ALPK1: variants seen among roughly 807,000 people sequenced by gnomAD.
The protein encoded by ALPK1 is alpha-protein kinase 1.
In ALPK1, 110 loss-of-function variants were observed where a neutral mutation model predicts 120.6. The observed-to-expected ratio is 0.91, with a 90% CI of 0.78 to 1.07. The LOEUF (loss-of-function observed/expected upper bound fraction) is 1.07. ALPK1 is among the 50% of genes least tolerant of loss of function. The pLI is 0.00. For missense variants in ALPK1, 1,498 were observed against 1,483.9 expected (o/e 1.01, Z -0.16); for synonymous variants, 582 against 560.3 (o/e 1.04, Z -0.55).
intron 6 of ALPK1, among the ~76,000 whole-genome samples, chr4:112,424,245 C>A (rs1251083168): frequency 1.3e-5 from 2 of 151,812 alleles, no homozygotes; most frequent in African/African-American, 4.8e-5. Context: ...GGCCTGCTTC[C>A]TTACAGAGTA....
In ALPK1 at chr4:112,349,807, C is replaced by G. The variant is rs151055139; in HGVS notation, c.-100-27871C>G. Among the ~76,000 whole-genome samples the G allele has an allele frequency of 8.3e-3, 1,270 of 152,262 alleles. 24 individuals carry two copies. The highest frequency in any genetic ancestry group is 0.076 in the East Asian group (394 of 5,184). On this transcript the variant is annotated intron_variant, in intron 2 of 15. Transcript: ENST00000650871. ...GACCTTGTGATCCACCTGCCTCGGC[C>G]TCCCAAAGTGCTGGGATTACAGGCA...
chr4:112,323,030 C>T (rs1266312385), intron 2 of ALPK1, among the ~76,000 whole-genome samples: 2 of 152,212 alleles, frequency 1.3e-5, no homozygotes, highest in Admixed American at 1.3e-4. Context: ...CCTGGACTTC[C>T]TGCTGACCGC....
intron 2 of ALPK1, chr4:112,356,567 C>T: frequency 2.5e-6 from 2 of 805,934 alleles, no homozygotes; most frequent in South Asian, 2.6e-5. Context: ...AGCTGTGCAT[C>T]CACCCTGAGG....
Position 112,435,219 on chromosome 4 carries a change from G to T in ALPK1, c.3106G>T (p.Asp1036Tyr), listed in dbSNP as rs1437786796. The T allele has an allele frequency of 1.2e-6, 2 of 1,613,626 alleles. No individual in the cohort carries two copies. The highest frequency in any genetic ancestry group is 2.2e-5 in the East Asian group (1 of 44,856). Residue 1036 changes from aspartate to tyrosine, a missense_variant, in exon 12 of 16, where the codon GAC becomes TAC. Transcript: ENST00000650871. ...TAQETIVYLG[D>Y]YLTVKKKGRQ... ...CCAGGAAACTATTGTCTATTTGGGG[G>T]ACTACTTGACTGTGAAGAAAAAAGG...
rs1214865234 is a variant in ALPK1 at position 112,435,129 on chromosome 4, TC to T, written c.3035-18del. The T allele has an allele frequency of 1.9e-6, 3 of 1,599,282 alleles. No homozygotes were observed. The highest frequency in any genetic ancestry group is 2.6e-6 in the Non-Finnish European group (3 of 1,175,324). ...GTCCTTTTGAAAATAAGATTCATTT[TC>T]ATCTTTTTTTTTCCCAGGTGCTCTT... is the stretch of plus-strand genomic sequence containing the variant. On this transcript the variant is annotated intron_variant, in intron 11 of 15. Transcript: ENST00000650871.
intron 1 of ALPK1, among the ~76,000 whole-genome samples, chr4:112,312,997 A>G (rs1728476373): frequency 6.6e-6 from 1 of 152,180 alleles, no homozygotes. Context: ...CCAGCTCATC[A>G]AGAGTTGGCC....
At chr4:112,330,497 G>A (rs528377369) in intron 2 of ALPK1, among the ~76,000 whole-genome samples, 6 of 152,092 alleles carry the variant, frequency 3.9e-5, no homozygotes, top group African/African-American at 1.2e-4. Context: ...TATTGGCTAC[G>A]GTCCTTGTTT....
intron 2 of ALPK1, among the ~76,000 whole-genome samples, chr4:112,371,546 A>G (rs984933787): frequency 6.6e-6 from 1 of 152,232 alleles, no homozygotes; most frequent in Non-Finnish European, 1.5e-5. Flanking sequence ...TCAAAGCTTA[A>G]TTCAGGCATC....
intron 2 of ALPK1, chr4:112,357,469 A>C: frequency 1.4e-6 from 1 of 718,034 alleles, no homozygotes; most frequent in Admixed American, 2.1e-5. Flanking sequence ...AAAGCGAGGG[A>C]AGGTGCTGAG....
In ALPK1 at chr4:112,429,418, C is replaced by T. The variant is rs552399845; in HGVS notation, c.900+165C>T. Among the ~76,000 whole-genome samples the T allele has an allele frequency of 3.3e-5, 5 of 152,278 alleles. No homozygotes were observed. In the East Asian group the frequency reaches 7.7e-4, roughly 23 times the overall value. ...CCACATATGGAAAAATTTTATTGGT[C>T]GGAGTTTTGACAGCCTACTAGGAGC... On this transcript the variant is annotated intron_variant, in intron 10 of 15. Coordinates refer to ENST00000650871, the MANE Select transcript of ALPK1 (RefSeq NM_025144.4).
In ALPK1 at chr4:112,433,987, A is replaced by G. The variant is rs117879622; in HGVS notation, c.3035-1161A>G. 6.2e-3 allele frequency among the ~76,000 whole-genome samples: 951 copies of G among 152,184 alleles called. 20 individuals carry two copies. The East Asian group carries it at 0.07, about 11-fold the overall frequency. On this transcript the variant is annotated intron_variant, in intron 11 of 15. Coordinates refer to ENST00000650871, the MANE Select transcript of ALPK1 (RefSeq NM_025144.4). ...AGAGCTTCTGCTTCAAAGTATTCCA[A>G]TGTTTTGCCTGCCACCTTGAAGTCC...
intron 2 of ALPK1, among the ~76,000 whole-genome samples, chr4:112,332,957 G>T (rs1173487410): frequency 3.3e-5 from 5 of 152,184 alleles, no homozygotes; most frequent in Non-Finnish European, 7.4e-5. Flanking sequence ...CACTTTCAAA[G>T]AACTTGGCTT....
chr4:112,426,649 T>C, intron 8 of ALPK1, 106 bp downstream of exon 8: 1 of 972,722 alleles, frequency 1.0e-6, no homozygotes, highest in Admixed American at 3.2e-5. Context: ...ATCTGTCCTA[T>C]TTTTATTTAT....
intron 2 of ALPK1, among the ~76,000 whole-genome samples, chr4:112,331,440 C>T (rs1295769092): frequency 6.6e-6 from 1 of 152,200 alleles, no homozygotes; most frequent in African/African-American, 2.4e-5. Context: ...ATTTTCTCAT[C>T]ATCTAACCCA....
intron 8 of ALPK1, among the ~76,000 whole-genome samples, 176 bp from the exon 9 acceptor site, chr4:112,427,394 A>AAAAATAGTATTTTTAAAAATTGATTTTTT (rs1327024248): frequency 6.0e-5 from 2 of 33,448 alleles, no homozygotes; most frequent in African/African-American, 3.2e-4. Context: ...TAGTATTTTT[A>AAAAATAGTATTTTTAAAAATTGATTTTTT]AAAATAGTAT....
intron 1 of ALPK1, among the ~76,000 whole-genome samples, chr4:112,309,469 C>T (rs1201315945): frequency 1.3e-5 from 2 of 152,136 alleles, no homozygotes; most frequent in African/African-American, 2.4e-5. Flanking sequence ...CCCCCAGCCT[C>T]GCTGCCACCC....
chr4:112,441,047 G>A lies in ALPK1; in HGVS notation c.3669G>A (p.Val1223=). The change falls in exon 15 of 16, where the codon GTG becomes GTA. Residue 1223 remains valine (V), a synonymous_variant. Transcript: ENST00000650871. ...TTTACTTCTTTAATAACCAGCATGT[G>A]GAATGTAATGAAATCTGCCATCGTC... ...GIFYFFNNQH[V]ECNEICHRLS... 1 of 1,613,958 alleles carries A rather than the reference G, an allele frequency of 6.2e-7. No homozygotes were observed. The highest frequency in any genetic ancestry group is 1.3e-5 in the African/African-American group (1 of 75,016).
chr4:112,313,065 A>G (rs1312697852), intron 1 of ALPK1, among the ~76,000 whole-genome samples: 1 of 152,240 alleles, frequency 6.6e-6, no homozygotes, highest in Non-Finnish European at 1.5e-5. Flanking sequence ...CAGGGGTTCA[A>G]TGTGAACTCA....
At chr4:112,365,718 T>C (rs1560655026) in intron 2 of ALPK1, among the ~76,000 whole-genome samples, 1 of 152,036 alleles carries the variant, frequency 6.6e-6, no homozygotes, top group Non-Finnish European at 1.5e-5. Flanking sequence ...CTAAAATTCA[T>C]ATGGAACCAA....
Sources: allele counts gnomAD v4.1 joint callset (sites outside exome capture counted in the v4.1 genomes callset), GRCh38; gene constraint gnomAD v4.1.1; transcripts MANE v1.5; gene names NCBI Gene and HGNC (gene_info 2026-07-23, HGNC 2026-07-21).